The following SNW1 variants were observed in gnomAD, a reference collection of about 807,000 sequenced individuals.
The protein encoded by SNW1 is SNW domain containing 1, also known as SNW domain-containing protein 1.
In SNW1, 9 loss-of-function variants were observed where a neutral mutation model predicts 75.6. The ratio of observed to expected loss-of-function variants is 0.12; its 90% CI spans 0.07 to 0.21. The LOEUF (loss-of-function observed/expected upper bound fraction) is 0.21. Among genes scored for constraint, SNW1 ranks in the 10% least tolerant of loss-of-function variants. SNW1 has a pLI of 1.00. For missense variants in SNW1, 409 were observed against 670.9 expected, an observed-to-expected ratio of 0.61 and a Z score of 4.31; for synonymous variants, 200 against 219.1, an observed-to-expected ratio of 0.91 and a Z score of 0.77.
intron 10 of SNW1, among the ~76,000 whole-genome samples, chr14:77,723,737 C>A (rs1357606932): frequency 1.3e-5 from 2 of 152,128 alleles, no homozygotes; most frequent in African/African-American, 2.4e-5. Flanking sequence ...TCACCGCAAC[C>A]TCTGCCTCCC....
chr14:77,728,284 TA>T (rs1176261577), intron 10 of SNW1, among the ~76,000 whole-genome samples: 5 of 152,056 alleles, frequency 3.3e-5, no homozygotes, highest in Non-Finnish European at 5.9e-5. Flanking sequence ...ACCCCATCTC[TA>T]CTAATAATAC....
chr14:77,732,457 A>T, intron 9 of SNW1, 28 bp downstream of exon 9: 1 of 1,164,984 alleles, frequency 8.6e-7, no homozygotes, highest in Non-Finnish European at 1.3e-6. Flanking sequence ...AAGTAACAAG[A>T]GCATTAAACA....
intron 12 of SNW1, among the ~76,000 whole-genome samples, chr14:77,718,972 A>G (rs72685296): frequency 0.17 from 25,404 of 152,202 alleles, 2,443 homozygotes; most frequent in Non-Finnish European, 0.22. Context: ...GGTCTCACAA[A>G]GTGCTACATA....
intron 10 of SNW1, among the ~76,000 whole-genome samples, chr14:77,723,985 G>A (rs2080564225): frequency 1.3e-5 from 2 of 152,048 alleles, no homozygotes; most frequent in South Asian, 4.1e-4. Context: ...AACCTTACTT[G>A]CAATTAATTT....
intron 9 of SNW1, 135 bp from the exon 10 acceptor site, chr14:77,731,264 G>C: frequency 1.0e-6 from 1 of 973,206 alleles, no homozygotes; most frequent in Non-Finnish European, 1.5e-6. Flanking sequence ...TTAAAACAAA[G>C]AGTCTTGTCC....
chr14:77,760,563 A>C, intron 1 of SNW1: 1 of 669,298 alleles, frequency 1.5e-6, no homozygotes, highest in Non-Finnish European at 2.7e-6. Flanking sequence ...CTCCAAAGTT[A>C]AAATGCGGAG....
chr14:77,724,461 CTT>C (rs1266518543), intron 10 of SNW1, among the ~76,000 whole-genome samples: 4 of 152,194 alleles, frequency 2.6e-5, no homozygotes, highest in Non-Finnish European at 4.4e-5. Flanking sequence ...AGAACTTACT[CTT>C]TCTAACTGTA....
At chr14:77,731,528 T>G (rs927109013) in intron 9 of SNW1, among the ~76,000 whole-genome samples, 15 of 152,180 alleles carry the variant, frequency 9.9e-5, no homozygotes, top group African/African-American at 3.6e-4. Context: ...GGCAACATAG[T>G]GAGATCCATC....
intron 2 of SNW1, among the ~76,000 whole-genome samples, chr14:77,754,112 T>C (rs1217965975): frequency 6.6e-6 from 1 of 151,800 alleles, no homozygotes; most frequent in Non-Finnish European, 1.5e-5. Flanking sequence ...TGGTGCGATC[T>C]TGGCTCACCA....
At chr14:77,755,241 G>T (rs1449692286) in intron 1 of SNW1, 121 bp from the exon 2 acceptor site, 3 of 839,660 alleles carry the variant, frequency 3.6e-6, no homozygotes, top group Non-Finnish European at 5.6e-6. Context: ...AAAAAGAGCA[G>T]ATTTTTCAAT....
chr14:77,760,704 C>G (rs2080881678), intron 1 of SNW1: 1 of 701,092 alleles, frequency 1.4e-6, no homozygotes, highest in Non-Finnish European at 2.6e-6. Flanking sequence ...GAGACCACCA[C>G]AGGCAAACGG....
At chr14:77,753,711 G>A (rs1306839346) in intron 2 of SNW1, among the ~76,000 whole-genome samples, 1 of 152,084 alleles carries the variant, frequency 6.6e-6, no homozygotes, top group Non-Finnish European at 1.5e-5. Flanking sequence ...CAGCACTTTA[G>A]GAGGCCGAGG....
chr14:77,751,785 T>C (rs1264297493), intron 2 of SNW1, among the ~76,000 whole-genome samples: 1 of 145,062 alleles, frequency 6.9e-6, no homozygotes, highest in East Asian at 2.1e-4. Context: ...GCCTGAATGA[T>C]TAGAAAGCAG....
chr14:77,747,412 C>T (rs1233340421), intron 3 of SNW1, among the ~76,000 whole-genome samples: 29 of 151,314 alleles, frequency 1.9e-4, no homozygotes, highest in Non-Finnish European at 8.9e-5. Context: ...TCTGCCCGGC[C>T]GCCCAGTCTG....
intron 3 of SNW1, among the ~76,000 whole-genome samples, chr14:77,740,157 A>AAAG (rs1555387811): frequency 1.7e-5 from 2 of 114,344 alleles, no homozygotes; most frequent in Admixed American, 1.0e-4. Flanking sequence ...AAAAAAAAAA[A>AAAG]AGAGAGAGAT....
chr14:77,726,302 C>T (rs1318935831), intron 10 of SNW1, among the ~76,000 whole-genome samples: 1 of 152,094 alleles, frequency 6.6e-6, no homozygotes, highest in East Asian at 1.9e-4. Context: ...GTGTCTTCTA[C>T]AATTTCTGTT....
At chr14:77,735,122 G>A (rs1002835242) in intron 7 of SNW1, 110 bp from the exon 8 acceptor site, 3 of 676,004 alleles carry the variant, frequency 4.4e-6, no homozygotes, top group Admixed American at 5.7e-5. Flanking sequence ...CATATGCACA[G>A]CCGTAGTAAA....
intron 3 of SNW1, among the ~76,000 whole-genome samples, chr14:77,742,286 T>A (rs1208487372): frequency 3.3e-5 from 5 of 152,024 alleles, no homozygotes. Context: ...TCCACCCGCC[T>A]CGGCCTCCCA....
In SNW1 at chr14:77,756,059, C is replaced by T. The variant is rs575923825; in HGVS notation, c.15-939G>A. ...CAGCCTGTTTCCATATTTCTTATAA[C>T]AAACAAGTAAACATTCCTAATACTT... On this transcript the variant is annotated intron_variant, in intron 1 of 13. Transcript: ENST00000261531. 5.9e-5 allele frequency among the ~76,000 whole-genome samples: 9 copies of T among 151,994 alleles called. No homozygotes were observed. In the South Asian group the frequency reaches 1.9e-3, roughly 32 times the overall value.
Sources: gnomAD v4.1 joint callset for allele counts (sites outside exome capture counted in the v4.1 genomes callset) on GRCh38, gnomAD v4.1.1 for gene constraint, MANE v1.5 for transcripts, NCBI Gene and HGNC (gene_info 2026-07-23, HGNC 2026-07-21) for gene names.